The following RBFOX1 variants were observed in gnomAD, a reference collection of about 807,000 sequenced individuals.
The protein encoded by RBFOX1 is RNA binding fox-1 homolog 1, also known as RNA binding protein fox-1 homolog 1.
Under a neutral mutation model 57.7 loss-of-function variants are expected in RBFOX1, and 8 were observed. The observed-to-expected ratio is 0.14, with a 90% CI of 0.08 to 0.25. The LOEUF (loss-of-function observed/expected upper bound fraction) is 0.25, where lower values mean the gene tolerates loss of function less well. Among genes scored for constraint, RBFOX1 ranks in the 10% least tolerant of loss-of-function variants. The pLI is 1.00. For missense variants in RBFOX1, 611 were observed against 548.5 expected, an observed-to-expected ratio of 1.11 and a Z score of -1.14; for synonymous variants, 326 against 222.4, an observed-to-expected ratio of 1.47 and a Z score of -4.15.
At chr16:6,434,394 A>G (rs377195935) in intron 2 of RBFOX1, among the ~76,000 whole-genome samples, 1 of 152,102 alleles carries the variant, frequency 6.6e-6, no homozygotes, top group South Asian at 2.1e-4. Flanking sequence ...CTCGATGGCC[A>G]TGAAGGCTCC....
chr16:6,193,427 A>ATAT (rs1567651849), intron 1 of RBFOX1, among the ~76,000 whole-genome samples: 898 of 60,580 alleles, frequency 0.015, 10 homozygotes, highest in Middle Eastern at 0.026. Flanking sequence ...TATATATATA[A>ATAT]AATTCAGTGA....
intron 4 of RBFOX1, among the ~76,000 whole-genome samples, chr16:7,472,789 C>G (rs1308224503): frequency 6.6e-6 from 1 of 152,142 alleles, no homozygotes; most frequent in Non-Finnish European, 1.5e-5. Context: ...AGAAAGTATA[C>G]TTGTTTGGCA....
chr16:7,326,605 C>G (rs1236627374), intron 4 of RBFOX1, among the ~76,000 whole-genome samples: 1 of 152,138 alleles, frequency 6.6e-6, no homozygotes, highest in African/African-American at 2.4e-5. Flanking sequence ...GAACACCCAC[C>G]TTCAGCATGT....
At chr16:5,488,962 C>T (rs138624061) in intron 2 of RBFOX1, among the ~76,000 whole-genome samples, 26 of 152,344 alleles carry the variant, frequency 1.7e-4, no homozygotes, top group African/African-American at 6.0e-4. Flanking sequence ...AGTTTAAATA[C>T]ATCTCATTTA....
intron 1 of RBFOX1, among the ~76,000 whole-genome samples, chr16:6,074,211 G>C (rs1294882606): frequency 6.6e-6 from 1 of 152,160 alleles, no homozygotes; most frequent in Non-Finnish European, 1.5e-5. Context: ...GCCTACCAAA[G>C]TGCTGGGATT....
intron 1 of RBFOX1, among the ~76,000 whole-genome samples, chr16:5,283,954 C>A (rs1234800741): frequency 1.3e-5 from 2 of 152,036 alleles, no homozygotes; most frequent in African/African-American, 4.8e-5. Context: ...TTGGCTGTGT[C>A]CCCACCCAAA....
chr16:7,043,869 C>T (rs2047000742), intron 3 of RBFOX1, among the ~76,000 whole-genome samples: 1 of 152,184 alleles, frequency 6.6e-6, no homozygotes, highest in Non-Finnish European at 1.5e-5. Flanking sequence ...CATCCTCCTG[C>T]CTTTCCTCTG....
chr16:5,597,575 C>G lies in RBFOX1; in HGVS notation c.259-1327C>G, dbSNP rs557603377. ...CCACCACAGCCTGGCTGATTTTGTA[C>G]TTTTAGTAGAGACGGTGTTTCACCA... On this transcript the variant is annotated intron_variant, in intron 2 of 2. Transcript: ENST00000585867. 3.0e-4 allele frequency among the ~76,000 whole-genome samples: 46 copies of G among 151,828 alleles called. No individual in the cohort carries two copies. The South Asian group carries it at 9.0e-3, about 30-fold the overall frequency.
intron 4 of RBFOX1, among the ~76,000 whole-genome samples, chr16:7,480,130 T>C (rs1474587382): frequency 2.0e-5 from 3 of 152,220 alleles, no homozygotes; most frequent in African/African-American, 7.2e-5. Context: ...GTGCCTTTCT[T>C]GTTAAGCCTG....
chr16:6,067,274 G>A (rs186617432), intron 1 of RBFOX1, among the ~76,000 whole-genome samples: 11 of 152,158 alleles, frequency 7.2e-5, no homozygotes, highest in African/African-American at 2.4e-5. Context: ...CCTGTTTTTC[G>A]TTCTGGGGCT....
At chr16:6,724,812 G>C (rs1420939555) in intron 3 of RBFOX1, among the ~76,000 whole-genome samples, 1 of 151,986 alleles carries the variant, frequency 6.6e-6, no homozygotes, top group Non-Finnish European at 1.5e-5. Flanking sequence ...GTACCATTGT[G>C]ATTTGCTTCA....
intron 3 of RBFOX1, among the ~76,000 whole-genome samples, chr16:6,980,808 C>T (rs2088572001): frequency 6.6e-6 from 1 of 151,954 alleles, no homozygotes; most frequent in African/African-American, 2.4e-5. Flanking sequence ...TTTGGGAGGC[C>T]AAGGCAGGCG....
chr16:7,647,069 C>T (rs1480627842), intron 11 of RBFOX1, among the ~76,000 whole-genome samples: 1 of 152,172 alleles, frequency 6.6e-6, no homozygotes, highest in South Asian at 2.1e-4. Context: ...GATACTTGAG[C>T]ACCACCACAG....
chr16:5,827,034 C>A (rs920277182), intron 3 of RBFOX1, among the ~76,000 whole-genome samples: 1 of 152,162 alleles, frequency 6.6e-6, no homozygotes, highest in South Asian at 2.1e-4. Flanking sequence ...TTGGAGCATC[C>A]TTGACTCTAC....
chr16:6,388,662 C>G (rs944894415), intron 2 of RBFOX1, among the ~76,000 whole-genome samples: 1 of 152,050 alleles, frequency 6.6e-6, no homozygotes, highest in African/African-American at 2.4e-5. Flanking sequence ...ATTGCTTGAA[C>G]CTAGGAGTTT....
At chr16:6,368,278 C>T (rs1600188096) in intron 2 of RBFOX1, among the ~76,000 whole-genome samples, 1 of 152,164 alleles carries the variant, frequency 6.6e-6, no homozygotes, top group Non-Finnish European at 1.5e-5. Flanking sequence ...AAAAATGGTG[C>T]TGGGACCACC....
intron 4 of RBFOX1, among the ~76,000 whole-genome samples, chr16:5,867,764 T>C (rs528543408): frequency 6.6e-6 from 1 of 152,238 alleles, no homozygotes; most frequent in African/African-American, 2.4e-5. Flanking sequence ...CAGGCTGGAG[T>C]GCAGTGGCAT....
intron 1 of RBFOX1, among the ~76,000 whole-genome samples, chr16:5,403,214 G>A (rs941167737): frequency 3.3e-5 from 5 of 151,984 alleles, no homozygotes; most frequent in Middle Eastern, 3.2e-3. Context: ...GCTGGGTGTG[G>A]TGGTGCATGC....
At chr16:7,586,013 A>C (rs2094104004) in intron 6 of RBFOX1, among the ~76,000 whole-genome samples, 1 of 152,226 alleles carries the variant, frequency 6.6e-6, no homozygotes, top group Non-Finnish European at 1.5e-5. Flanking sequence ...TCTGGGGGTC[A>C]TAAAGGATGC....
Sources: gnomAD v4.1 joint callset for allele counts (sites outside exome capture counted in the v4.1 genomes callset) on GRCh38, gnomAD v4.1.1 for gene constraint, MANE v1.5 for transcripts, NCBI Gene and HGNC (gene_info 2026-07-23, HGNC 2026-07-21) for gene names.